The following RBFOX3 variants were observed in gnomAD, a reference collection of about 807,000 sequenced individuals.
The protein encoded by RBFOX3 is RNA binding fox-1 homolog 3, also known as RNA binding protein fox-1 homolog 3.
Under a neutral mutation model 48.7 loss-of-function variants are expected in RBFOX3, and 17 were observed. The ratio of observed to expected loss-of-function variants is 0.35; its 90% CI spans 0.24 to 0.52. The LOEUF (loss-of-function observed/expected upper bound fraction) is 0.52, where lower values mean the gene tolerates loss of function less well. RBFOX3 is among the 20% of genes least tolerant of loss of function. The pLI is 0.94. For synonymous variants in RBFOX3, 212 were observed against 209.5 expected, an observed-to-expected ratio of 1.01 and a Z score of -0.10; for missense variants, 382 against 497.5, an observed-to-expected ratio of 0.77 and a Z score of 2.21.
chr17:79,400,100 G>A, intron 2 of RBFOX3, among the ~76,000 whole-genome samples: 1 of 152,292 alleles, frequency 6.6e-6, no homozygotes, highest in Admixed American at 6.5e-5. Flanking sequence ...CTCGGGGAAT[G>A]GGGTTTGGAG....
At position 79,565,039 on chromosome 17, in the gene RBFOX3, C is replaced by CAAA. The variant is rs1303157702; in HGVS notation, c.-320+45784_-320+45786dup. On this transcript the variant is annotated intron_variant, in intron 1 of 14. Transcript: ENST00000693108. ...TGGGCAACAGAGCGAGACTCTGTCT[C>CAAA]AAAAAAAAAAAAAAAAAGAGTGATG... 1.8e-3 allele frequency among the ~76,000 whole-genome samples: 205 copies of CAAA among 113,846 alleles called. 3 individuals are homozygous for CAAA. The highest frequency in any genetic ancestry group is 4.3e-3 in the African/African-American group (126 of 29,082). 74.7% of individuals were successfully genotyped at this position (113,846 alleles called of 152,430 possible).
intron 2 of RBFOX3, among the ~76,000 whole-genome samples, chr17:79,406,865 A>T (rs1238590841): frequency 6.6e-6 from 1 of 152,184 alleles, no homozygotes; most frequent in African/African-American, 2.4e-5. Flanking sequence ...GATGCAAAGA[A>T]ATACCCGAAG....
At chr17:79,351,015 G>A (rs748565500) in intron 2 of RBFOX3, among the ~76,000 whole-genome samples, 2 of 152,156 alleles carry the variant, frequency 1.3e-5, no homozygotes, top group African/African-American at 2.4e-5. Flanking sequence ...GAATGGTTCA[G>A]TATTTGCCCC....
chr17:79,232,401 G>A (rs2061141260), intron 4 of RBFOX3, among the ~76,000 whole-genome samples: 1 of 152,230 alleles, frequency 6.6e-6, no homozygotes, highest in Non-Finnish European at 1.5e-5. Flanking sequence ...AACAATCACT[G>A]TAATAGCTGT....
chr17:79,174,363 A>ACACATGCG (rs2050055224), intron 4 of RBFOX3, among the ~76,000 whole-genome samples: 1 of 151,658 alleles, frequency 6.6e-6, no homozygotes, highest in African/African-American at 2.4e-5. Flanking sequence ...GTGCACACAG[A>ACACATGCG]CACATGCGCA....
intron 2 of RBFOX3, among the ~76,000 whole-genome samples, chr17:79,396,426 C>A (rs1274049773): frequency 2.6e-5 from 4 of 152,236 alleles, no homozygotes; most frequent in African/African-American, 9.6e-5. Context: ...GGAAAAGGGG[C>A]TCCCCACTCC....
chr17:79,344,085 T>G (rs2082503589), intron 2 of RBFOX3, among the ~76,000 whole-genome samples: 1 of 152,196 alleles, frequency 6.6e-6, no homozygotes, highest in Non-Finnish European at 1.5e-5. Flanking sequence ...GGGGTTAGTG[T>G]GGGCTACATG....
At chr17:79,237,444 C>A (rs950786543) in intron 3 of RBFOX3, among the ~76,000 whole-genome samples, 1 of 152,224 alleles carries the variant, frequency 6.6e-6, no homozygotes, top group Non-Finnish European at 1.5e-5. Flanking sequence ...GCTGGTGAAG[C>A]GACTGTGGCC....
intron 2 of RBFOX3, among the ~76,000 whole-genome samples, chr17:79,400,626 C>T (rs1345638674): frequency 2.5e-5 from 2 of 80,504 alleles, no homozygotes; most frequent in East Asian, 3.6e-4. Context: ...ACGTGTGACC[C>T]GCGAATTAAC....
At chr17:79,449,864 C>T (rs2073133237) in intron 2 of RBFOX3, among the ~76,000 whole-genome samples, 1 of 152,112 alleles carries the variant, frequency 6.6e-6, no homozygotes, top group Non-Finnish European at 1.5e-5. Context: ...TGGCTGGCCC[C>T]CTCCTGGCCA....
intron 8 of RBFOX3, among the ~76,000 whole-genome samples, chr17:79,102,494 C>T (rs1166697550): frequency 2.6e-5 from 4 of 152,210 alleles, no homozygotes; most frequent in Non-Finnish European, 5.9e-5. Context: ...GGCTGCCCTG[C>T]CTGTTGGGGT....
intron 8 of RBFOX3, among the ~76,000 whole-genome samples, chr17:79,102,181 C>T (rs2076568126): frequency 6.6e-6 from 1 of 152,198 alleles, no homozygotes; most frequent in Non-Finnish European, 1.5e-5. Flanking sequence ...GAGGGGGGCT[C>T]TGGGCACGAA....
At chr17:79,393,187 C>T (rs2061554837) in intron 2 of RBFOX3, among the ~76,000 whole-genome samples, 1 of 152,196 alleles carries the variant, frequency 6.6e-6, no homozygotes, top group African/African-American at 2.4e-5. Context: ...ACACACAAAA[C>T]CTTTATGGAG....
intron 2 of RBFOX3, among the ~76,000 whole-genome samples, chr17:79,340,574 C>T (rs1375592853): frequency 1.3e-5 from 2 of 152,004 alleles, no homozygotes; most frequent in East Asian, 3.9e-4. Flanking sequence ...GTCTGAAAAG[C>T]GACATGATTT....
intron 4 of RBFOX3, among the ~76,000 whole-genome samples, chr17:79,147,818 TGCC>T (rs1195344138): frequency 1.3e-5 from 2 of 152,236 alleles, no homozygotes; most frequent in African/African-American, 4.8e-5. Context: ...GTGCAAGCTT[TGCC>T]AAGCGCCTTC....
intron 1 of RBFOX3, among the ~76,000 whole-genome samples, chr17:79,504,116 C>T (rs1217440689): frequency 6.6e-6 from 1 of 152,204 alleles, no homozygotes; most frequent in Non-Finnish European, 1.5e-5. Context: ...AAAGACATCA[C>T]CTGCTTAGGC....
chr17:79,631,129 G>T, the RBFOX3 span, among the ~76,000 whole-genome samples: 4 of 152,060 alleles, frequency 2.6e-5, no homozygotes, highest in Non-Finnish European at 4.4e-5. Context: ...GCCCACACAG[G>T]GTGCAGTCAA....
chr17:79,272,109 G>C (rs763239319), intron 3 of RBFOX3, among the ~76,000 whole-genome samples: 4 of 152,236 alleles, frequency 2.6e-5, no homozygotes, highest in Non-Finnish European at 2.9e-5. Context: ...CGAGGGGGAG[G>C]GTGGTTAACA....
At chr17:79,441,096 G>T (rs1394842094) in intron 2 of RBFOX3, among the ~76,000 whole-genome samples, 1 of 152,238 alleles carries the variant, frequency 6.6e-6, no homozygotes, top group African/African-American at 2.4e-5. Context: ...GGGCGTCAGC[G>T]GAGGCAACCA....
Sources: allele counts gnomAD v4.1 joint callset (sites outside exome capture counted in the v4.1 genomes callset), GRCh38; gene constraint gnomAD v4.1.1; transcripts MANE v1.5; gene names NCBI Gene and HGNC (gene_info 2026-07-23, HGNC 2026-07-21).